Variants in LRMDA observed in about 807,000 individuals in gnomAD.
LRMDA encodes leucine rich melanocyte differentiation associated, also known as leucine-rich melanocyte differentiation-associated protein.
A neutral mutation model predicts 29.8 loss-of-function variants in LRMDA; 18 were observed. That is an observed-to-expected ratio of 0.60 (90% CI 0.42 to 0.90). The LOEUF (loss-of-function observed/expected upper bound fraction) is 0.90. LRMDA is among the 40% of genes least tolerant of loss of function. The pLI is 0.00. For missense variants in LRMDA, 273 were observed against 273.9 expected, an observed-to-expected ratio of 1.00 and a Z score of 0.02; for synonymous variants, 125 against 109.4, an observed-to-expected ratio of 1.14 and a Z score of -0.89.
rs1564558823 is a variant in LRMDA at position 76,497,694 on chromosome 10, TA to T, written c.602-59511del. 2.6e-5 allele frequency among the ~76,000 whole-genome samples: 2 copies of T among 75,986 alleles called. 1 individual carries two copies. Among genetic ancestry groups the T allele is most frequent in the Non-Finnish European group, 8.7e-5 (2 of 22,858 alleles). 49.8% of individuals were successfully genotyped at this position (75,986 alleles called of 152,430 possible). ...AGACTAAGTCCTAGTGCTTTCTTAATAAAAGCTATGCATGTAAATAGGGTCA... is the reference window on the plus strand; with the variant it reads ...AGACTAAGTCCTAGTGCTTTCTTAATAAAGCTATGCATGTAAATAGGGTCA... On this transcript the variant is annotated intron_variant, in intron 6 of 6. Transcript: ENST00000611255.
At chr10:75,645,476 TG>T (rs756725274) in intron 2 of LRMDA, among the ~76,000 whole-genome samples, 25 of 146,418 alleles carry the variant, frequency 1.7e-4, no homozygotes, top group Non-Finnish European at 3.0e-4. Flanking sequence ...TGGTGGGGGG[TG>T]GGGGCAGGAA....
intron 2 of LRMDA, among the ~76,000 whole-genome samples, chr10:75,817,499 G>A (rs1344794299): frequency 6.6e-6 from 1 of 152,166 alleles, no homozygotes; most frequent in African/African-American, 2.4e-5. Context: ...AATGAAGGGG[G>A]AAAATATGTG....
At chr10:76,445,543 A>G (rs1300991428) in intron 6 of LRMDA, among the ~76,000 whole-genome samples, 3 of 152,220 alleles carry the variant, frequency 2.0e-5, no homozygotes, top group Non-Finnish European at 4.4e-5. Flanking sequence ...AGTTAATCAC[A>G]GCCATGCTAT....
At chr10:75,897,463 C>T (rs1175914780) in intron 2 of LRMDA, among the ~76,000 whole-genome samples, 2 of 152,172 alleles carry the variant, frequency 1.3e-5, no homozygotes, top group Non-Finnish European at 2.9e-5. Flanking sequence ...GCTTAGCAAT[C>T]ACTGAGTTGA....
At chr10:76,162,251 T>C (rs1251438349) in intron 5 of LRMDA, among the ~76,000 whole-genome samples, 2 of 151,914 alleles carry the variant, frequency 1.3e-5, no homozygotes, top group Admixed American at 6.6e-5. Context: ...GGTAGGTAGG[T>C]GGAGGGAAGA....
intron 2 of LRMDA, among the ~76,000 whole-genome samples, chr10:75,954,356 C>T (rs963346054): frequency 6.6e-5 from 10 of 152,300 alleles, no homozygotes; most frequent in Middle Eastern, 3.4e-3. Flanking sequence ...AGCCCCCCAC[C>T]GTAAGCTCAT....
At chr10:75,956,140 T>C (rs1324380672) in intron 2 of LRMDA, among the ~76,000 whole-genome samples, 1 of 152,192 alleles carries the variant, frequency 6.6e-6, no homozygotes, top group East Asian at 1.9e-4. Flanking sequence ...CTAGAGGATA[T>C]GCTTCCAAAA....
intron 5 of LRMDA, among the ~76,000 whole-genome samples, chr10:76,191,981 A>T (rs12260027): frequency 0.047 from 7,082 of 152,242 alleles, 526 homozygotes; most frequent in African/African-American, 0.16. Context: ...TGGCCAAGAC[A>T]GCAGAATAAC....
At chr10:75,636,492 ATATCAT>A (rs1459267109) in intron 2 of LRMDA, among the ~76,000 whole-genome samples, 2 of 152,202 alleles carry the variant, frequency 1.3e-5, no homozygotes, top group African/African-American at 4.8e-5. Flanking sequence ...TTAGCTATTG[ATATCAT>A]TATCACTACT....
At chr10:76,434,646 G>A (rs1178500379) in intron 6 of LRMDA, among the ~76,000 whole-genome samples, 1 of 152,082 alleles carries the variant, frequency 6.6e-6, no homozygotes, top group African/African-American at 2.4e-5. Flanking sequence ...TCCAATAAGT[G>A]CCACTGAGCA....
intron 2 of LRMDA, among the ~76,000 whole-genome samples, chr10:75,548,729 G>C (rs1477371461): frequency 6.6e-6 from 1 of 151,806 alleles, no homozygotes; most frequent in Non-Finnish European, 1.5e-5. Context: ...TTATCTCTTT[G>C]ATCTCTGGCC....
At chr10:76,413,989 A>G (rs577694475) in intron 6 of LRMDA, among the ~76,000 whole-genome samples, 2 of 152,346 alleles carry the variant, frequency 1.3e-5, no homozygotes, top group South Asian at 4.1e-4. Context: ...AACTCTCCTG[A>G]GGCCATAAGG....
At chr10:75,458,826 C>A (rs561692792) in intron 2 of LRMDA, among the ~76,000 whole-genome samples, 1 of 152,026 alleles carries the variant, frequency 6.6e-6, no homozygotes, top group Non-Finnish European at 1.5e-5. Context: ...CTTCCTGGTT[C>A]ATGTAGTATC....
At chr10:76,437,113 A>T (rs541096377) in intron 6 of LRMDA, among the ~76,000 whole-genome samples, 1 of 152,230 alleles carries the variant, frequency 6.6e-6, no homozygotes, top group African/African-American at 2.4e-5. Flanking sequence ...AGTCTAAAAA[A>T]ATAAATAAAT....
intron 2 of LRMDA, among the ~76,000 whole-genome samples, chr10:75,682,338 A>G (rs766677650): frequency 3.3e-5 from 5 of 152,186 alleles, no homozygotes; most frequent in Non-Finnish European, 7.4e-5. Context: ...TTTTCTTTGT[A>G]GAACAGTTAA....
chr10:76,486,295 C>A (rs376951934), intron 6 of LRMDA, among the ~76,000 whole-genome samples: 1 of 151,904 alleles, frequency 6.6e-6, no homozygotes, highest in African/African-American at 2.4e-5. Flanking sequence ...GTTTGCACAG[C>A]CTTTTCTATA....
chr10:75,884,195 A>G (rs968462622), intron 2 of LRMDA, among the ~76,000 whole-genome samples: 1 of 150,602 alleles, frequency 6.6e-6, no homozygotes. Context: ...ATAGAGTTCA[A>G]TGAAAGCTCC....
At chr10:75,751,439 T>G (rs1842968662) in intron 2 of LRMDA, among the ~76,000 whole-genome samples, 1 of 152,142 alleles carries the variant, frequency 6.6e-6, no homozygotes, top group South Asian at 2.1e-4. Context: ...TTACTGTGGG[T>G]CATGGACACA....
chr10:76,155,897 A>G (rs1850528541), intron 5 of LRMDA, among the ~76,000 whole-genome samples: 1 of 152,202 alleles, frequency 6.6e-6, no homozygotes, highest in Non-Finnish European at 1.5e-5. Flanking sequence ...TTTACTCTCA[A>G]ATATCTTAAA....
Sources: gnomAD v4.1 joint callset for allele counts (sites outside exome capture counted in the v4.1 genomes callset) on GRCh38, gnomAD v4.1.1 for gene constraint, MANE v1.5 for transcripts, NCBI Gene and HGNC (gene_info 2026-07-23, HGNC 2026-07-21) for gene names.